The following DGKD variants were observed in gnomAD, a reference collection of about 807,000 sequenced individuals.
DGKD encodes DAG kinase delta.
Under a neutral mutation model 154.4 loss-of-function variants are expected in DGKD, and 68 were observed. That is an observed-to-expected ratio of 0.44 (90% CI 0.36 to 0.54). The LOEUF (loss-of-function observed/expected upper bound fraction) is 0.54, where lower values mean the gene tolerates loss of function less well. Ranked by LOEUF, DGKD falls within the 20% of genes least tolerant of loss-of-function variation. DGKD has a pLI of 0.00. For synonymous variants in DGKD, 693 were observed against 638.0 expected, an observed-to-expected ratio of 1.09 and a Z score of -1.30; for missense variants, 1,343 against 1,593.6, an observed-to-expected ratio of 0.84 and a Z score of 2.68.
chr2:233,426,510 T>C (rs2062305566), intron 3 of DGKD, among the ~76,000 whole-genome samples: 1 of 152,134 alleles, frequency 6.6e-6, no homozygotes, highest in South Asian at 2.1e-4. Context: ...TCTAATACCA[T>C]AGATTAGTTA....
Position 233,449,041 on chromosome 2 carries a change from C to T in DGKD, c.1615-62C>T. 1 of 1,513,658 alleles carries T rather than the reference C, an allele frequency of 6.6e-7. No homozygotes were observed. The allele number at this position is 1,513,658 out of a possible 1,614,324, so 93.8% of individuals were successfully genotyped here. A position where few individuals can be genotyped will look rare whatever the true frequency, so the allele number is the denominator to read the frequency against. Reference sequence around the variant, plus strand: ...AGTCTGGGTGAAATGGCCTGAGGTTCCCTGCCTGCAGACCCTGTTCTCCTG... The same window carrying T: ...AGTCTGGGTGAAATGGCCTGAGGTTTCCTGCCTGCAGACCCTGTTCTCCTG... On this transcript the variant is annotated intron_variant, in intron 14 of 29. Transcript: ENST00000264057. The surrounding 1 kb of genome is among the most constrained non-coding windows in gnomAD (Gnocchi z 5.3).
rs1362679852 is a variant in DGKD, at chr2:233,451,494, TAAGCCTCAACTCTCAGA to T, written c.2167+445_2168-453del. Among the ~76,000 whole-genome samples, 6 of 152,194 alleles carry T rather than the reference TAAGCCTCAACTCTCAGA, an allele frequency of 3.9e-5. No homozygotes were observed. In the East Asian group the frequency reaches 1.2e-3, roughly 29 times the overall value. On this transcript the variant is annotated intron_variant, in intron 17 of 29. Transcript: ENST00000264057. The stretch of plus-strand genomic sequence containing the variant: ...TTAGGAAGGCAGCCTTATAAAGCCT[TAAGCCTCAACTCTCAGA>T]GATCATTTTGGTGGAGTGGCTTACA...
rs2026 is a variant in DGKD, at chr2:233,472,020, C to T, written c.*2560C>T. The T allele has an allele frequency of 0.14, 20,825 of 152,322 alleles. 1,511 individuals carry two copies. Among genetic ancestry groups the T allele is most frequent in the African/African-American group, 0.16 (6,633 of 41,492 alleles). 9.4% of individuals were successfully genotyped at this position (152,322 alleles called of 1,614,324 possible). A position where few individuals can be genotyped will look rare whatever the true frequency, so the allele number is the denominator to read the frequency against. ...TGGAAACAAACGCCTCTTGTATTGT[C>T]ATGTACATAGTCCATACCTGAGTGC... is the stretch of plus-strand genomic sequence containing the variant. On this transcript the variant is annotated 3_prime_UTR_variant, in exon 30 of 30. Transcript: ENST00000264057.
chr2:233,362,902 G>A (rs545538797), intron 1 of DGKD, among the ~76,000 whole-genome samples: 1 of 152,256 alleles, frequency 6.6e-6, no homozygotes, highest in African/African-American at 2.4e-5. Context: ...ATGTTGTAGG[G>A]CAATGAATTA....
chr2:233,388,448 G>C (rs932087240), intron 2 of DGKD, 81 bp downstream of exon 2: 1 of 1,374,272 alleles, frequency 7.3e-7, no homozygotes, highest in Non-Finnish European at 9.9e-7. Context: ...CTGAGTCCTT[G>C]TGTGGGAAAA....
intron 3 of DGKD, among the ~76,000 whole-genome samples, chr2:233,414,057 TCTTGAC>T (rs2125522978): frequency 6.6e-6 from 1 of 152,276 alleles, no homozygotes; most frequent in Non-Finnish European, 1.5e-5. Context: ...TCCAGGAGGC[TCTTGAC>T]CTTGTATATG....
At chr2:233,355,399 C>T (rs1701490666) in intron 1 of DGKD, among the ~76,000 whole-genome samples, 1 of 152,214 alleles carries the variant, frequency 6.6e-6, no homozygotes, top group African/African-American at 2.4e-5. Flanking sequence ...AAACAGCTTA[C>T]GGTTTTTGCT....
At chr2:233,363,900 T>C (rs933380865) in intron 1 of DGKD, among the ~76,000 whole-genome samples, 1 of 152,226 alleles carries the variant, frequency 6.6e-6, no homozygotes, top group Non-Finnish European at 1.5e-5. Flanking sequence ...AAGTACACTC[T>C]GTGATGTTCA....
At position 233,354,560 on chromosome 2, in the gene DGKD, A is replaced by ACCGCCT. The variant is rs1372472478; in HGVS notation, c.48_53dup (p.Pro20_Pro21dup). On this transcript the variant is annotated inframe_insertion, in exon 1 of 30. Transcript: ENST00000264057. This position sits in a 1 kb window ranked among gnomAD's most constrained non-coding sequence, Gnocchi z 4.8. ...GCGCCCCTCCGCCGGGTCCCCCGCA[A>ACCGCCT]CCGCCTCCGCCGCCGCCGCCCGAGG... 1.9e-6 allele frequency: 2 copies of ACCGCCT among 1,049,768 alleles called. No homozygotes were observed. The highest frequency in any genetic ancestry group is 1.7e-5 in the African/African-American group (1 of 57,214). The allele number at this position is 1,049,768 out of a possible 1,614,324, so 65.0% of individuals were successfully genotyped here.
At chr2:233,446,824 G>T (rs754334896) in intron 12 of DGKD, 28 bp downstream of exon 12, 2 of 1,612,258 alleles carry the variant, frequency 1.2e-6, no homozygotes, top group African/African-American at 2.7e-5. Context: ...TTCACACCCT[G>T]CTCGCATGCT....
Position 233,434,904 on chromosome 2 carries a change from A to G in DGKD, c.586+3A>G. On this transcript the variant is annotated splice_donor_region_variant and intron_variant, in intron 5 of 29. Coordinates refer to ENST00000264057, the MANE Select transcript of DGKD (RefSeq NM_152879.3). ...GTCGCACGGGCTGTCCTGCGAGGGT[A>G]CGGATGTGCGTTTGTTATTCTGTCA... 1 of 1,608,776 alleles carries G rather than the reference A, an allele frequency of 6.2e-7. No homozygotes were observed. The highest frequency in any genetic ancestry group is 8.5e-7 in the Non-Finnish European group (1 of 1,177,730).
chr2:233,415,516 A>G (rs1039881184), intron 3 of DGKD, among the ~76,000 whole-genome samples: 7 of 152,246 alleles, frequency 4.6e-5, no homozygotes, highest in Non-Finnish European at 1.0e-4. Flanking sequence ...TAGCAGGTCA[A>G]TGGATGAAGG....
intron 19 of DGKD, among the ~76,000 whole-genome samples, chr2:233,455,401 G>A (rs11675254): frequency 0.12 from 18,305 of 152,176 alleles, 1,302 homozygotes; most frequent in African/African-American, 0.18. Flanking sequence ...CTCAGTCCTG[G>A]CCTGAAGAGA....
rs1168179756 is a variant in DGKD at position 233,449,751 on chromosome 2, T to C, written c.1889-231T>C. On this transcript the variant is annotated intron_variant, in intron 15 of 29. Coordinates refer to ENST00000264057, the MANE Select transcript of DGKD (RefSeq NM_152879.3). This position sits in a 1 kb window ranked among gnomAD's most constrained non-coding sequence, Gnocchi z 5.3. ...GCCAGGCTCCTCTGCATCCCTTGCCTTCCCCTGCAAGGGTTCCAGACCTCC... is the reference window on the plus strand; with the variant it reads ...GCCAGGCTCCTCTGCATCCCTTGCCCTCCCCTGCAAGGGTTCCAGACCTCC... 1.3e-5 allele frequency among the ~76,000 whole-genome samples: 2 copies of C among 152,106 alleles called. No individual in the cohort carries two copies. The highest frequency in any genetic ancestry group is 2.9e-5 in the Non-Finnish European group (2 of 68,004).
At chr2:233,455,591 T>A (rs2034762) in intron 19 of DGKD, among the ~76,000 whole-genome samples, 43,113 of 151,842 alleles carry the variant, frequency 0.28, 6,483 homozygotes, top group East Asian at 0.47. Flanking sequence ...GAGGGAGAAA[T>A]GAGTGTGGGG....
chr2:233,430,985 C>T (rs1257301904), intron 3 of DGKD, among the ~76,000 whole-genome samples: 1 of 151,960 alleles, frequency 6.6e-6, no homozygotes, highest in Non-Finnish European at 1.5e-5. Flanking sequence ...AGCAATCAAA[C>T]AACAACAAAA....
intron 27 of DGKD, 88 bp from the exon 28 acceptor site, chr2:233,466,998 C>A: frequency 9.4e-7 from 1 of 1,059,238 alleles, no homozygotes; most frequent in Non-Finnish European, 1.5e-6. Flanking sequence ...TCAGCCCTGC[C>A]TGCCCTCCCA....
In DGKD at chr2:233,435,497, A is replaced by G. The variant is rs545630073; in HGVS notation, c.587-321A>G. Among the ~76,000 whole-genome samples the G allele has an allele frequency of 3.9e-5, 6 of 152,332 alleles. No homozygotes were observed. In the South Asian group the frequency reaches 1.2e-3, roughly 32 times the overall value. ...ATGAAATTCAAATTTGTGCCCGTAA[A>G]AAAACATTGTCTCTGGCTGCTTTTG... On this transcript the variant is annotated intron_variant, in intron 5 of 29. Transcript: ENST00000264057.
rs1052958973 is a variant in DGKD, at chr2:233,452,263, G to A, written c.2264+203G>A. ...TGCACATCTGCTGCAGAGGCAAAGCGCACGCCTCCCATCTCCTTCCCAAGG... is the reference window on the plus strand; with the variant it reads ...TGCACATCTGCTGCAGAGGCAAAGCACACGCCTCCCATCTCCTTCCCAAGG... On this transcript the variant is annotated intron_variant, in intron 18 of 29. Transcript: ENST00000264057. The surrounding 1 kb of genome is among the most constrained non-coding windows in gnomAD (Gnocchi z 4.0). Among the ~76,000 whole-genome samples the A allele has an allele frequency of 2.0e-5, 3 of 152,202 alleles. No homozygotes were observed. Among genetic ancestry groups the A allele is most frequent in the South Asian group, 2.1e-4 (1 of 4,830 alleles).
Sources: allele counts gnomAD v4.1 joint callset (sites outside exome capture counted in the v4.1 genomes callset), GRCh38; gene constraint gnomAD v4.1.1; non-coding constraint Gnocchi (gnomAD v3.1); transcripts MANE v1.5; gene names NCBI Gene and HGNC (gene_info 2026-07-23, HGNC 2026-07-21).